Variants in RBFOX3 observed in about 807,000 individuals in gnomAD.
RBFOX3 encodes the protein RNA binding protein fox-1 homolog 3.
In RBFOX3, 17 loss-of-function variants were observed where a neutral mutation model predicts 48.7. That is an observed-to-expected ratio of 0.35 (90% CI 0.24 to 0.52). The LOEUF (loss-of-function observed/expected upper bound fraction) is 0.52. Ranked by LOEUF, RBFOX3 falls within the 20% of genes least tolerant of loss-of-function variation. The probability of loss-of-function intolerance (pLI) is 0.94; values close to 1 mark genes in which losing one functional copy is unlikely to be tolerated. For synonymous variants in RBFOX3, 212 were observed against 209.5 expected (o/e 1.01, Z -0.10); for missense variants, 382 against 497.5 (o/e 0.77, Z 2.21).
At chr17:79,661,750 C>G in the RBFOX3 span, among the ~76,000 whole-genome samples, 1 of 152,198 alleles carries the variant, frequency 6.6e-6, no homozygotes, top group Non-Finnish European at 1.5e-5. Flanking sequence ...TTCTATATTT[C>G]TAGCAACCCT....
chr17:79,146,058 T>C (rs1466190506), intron 4 of RBFOX3, among the ~76,000 whole-genome samples: 4 of 152,122 alleles, frequency 2.6e-5, no homozygotes, highest in African/African-American at 9.7e-5. Context: ...CCTTTGAGAA[T>C]CTAATGCCGC....
intron 4 of RBFOX3, among the ~76,000 whole-genome samples, chr17:79,227,023 C>T (rs2060388111): frequency 6.6e-6 from 1 of 152,222 alleles, no homozygotes; most frequent in Non-Finnish European, 1.5e-5. Flanking sequence ...CAGCAGAAGG[C>T]TGCGGTGCCT....
intron 3 of RBFOX3, among the ~76,000 whole-genome samples, chr17:79,292,025 A>G (rs541392279): frequency 8.5e-5 from 13 of 152,176 alleles, no homozygotes; most frequent in African/African-American, 3.1e-4. Flanking sequence ...GGACCCCCAA[A>G]GCCAGCCACG....
chr17:79,384,252 TG>T (rs2060293338), intron 2 of RBFOX3, among the ~76,000 whole-genome samples: 1 of 152,110 alleles, frequency 6.6e-6, no homozygotes, highest in South Asian at 2.1e-4. Context: ...AGGAAGGTAA[TG>T]AATCTCCCAG....
chr17:79,289,748 T>C (rs1213784982), intron 3 of RBFOX3, among the ~76,000 whole-genome samples: 1 of 152,240 alleles, frequency 6.6e-6, no homozygotes, highest in Non-Finnish European at 1.5e-5. Context: ...GTGGCGTATT[T>C]TATCTTTATG....
chr17:79,464,930 A>G (rs1449487263), intron 2 of RBFOX3, among the ~76,000 whole-genome samples: 1 of 152,238 alleles, frequency 6.6e-6, no homozygotes, highest in Non-Finnish European at 1.5e-5. Flanking sequence ...TGACAGGTGA[A>G]GAGGGTGAGG....
intron 1 of RBFOX3, among the ~76,000 whole-genome samples, chr17:79,485,217 C>G (rs62062838): frequency 0.45 from 68,899 of 151,914 alleles, 16,663 homozygotes; most frequent in South Asian, 0.58. Flanking sequence ...GGATGGAGCC[C>G]TCCTTCCCAG....
intron 1 of RBFOX3, among the ~76,000 whole-genome samples, chr17:79,500,104 G>A (rs1017832799): frequency 3.9e-5 from 6 of 152,142 alleles, no homozygotes; most frequent in African/African-American, 1.4e-4. Flanking sequence ...CCCAGGACGG[G>A]GATGAAAGAT....
intron 4 of RBFOX3, among the ~76,000 whole-genome samples, chr17:79,230,294 T>C (rs773298089): frequency 6.6e-5 from 10 of 152,046 alleles, no homozygotes; most frequent in Admixed American, 3.9e-4. Flanking sequence ...GAGTCTTGCT[T>C]TGTCACCCAG....
chr17:79,098,079 G>C, intron 9 of RBFOX3: 1 of 317,084 alleles, frequency 3.2e-6, no homozygotes, highest in Non-Finnish European at 6.0e-6. Flanking sequence ...GAGAGGGAAA[G>C]TGGAACTTGT....
At chr17:79,144,035 C>T (rs1019005641) in intron 4 of RBFOX3, among the ~76,000 whole-genome samples, 3 of 152,230 alleles carry the variant, frequency 2.0e-5, no homozygotes, top group Admixed American at 6.5e-5. Context: ...CAGCTCTGCC[C>T]GTGACACCCT....
In RBFOX3 at chr17:79,481,554, G is replaced by A. The variant is rs1022325932; in HGVS notation, c.-175+900C>T. Among the ~76,000 whole-genome samples the A allele has an allele frequency of 6.8e-4, 104 of 152,178 alleles. 1 individual carries two copies. In the East Asian group the frequency reaches 0.016, roughly 23 times the overall value. On this transcript the variant is annotated intron_variant, in intron 2 of 14. Coordinates refer to ENST00000693108, the MANE Select transcript of RBFOX3 (RefSeq NM_001350451.2). This position sits in a 1 kb window ranked among gnomAD's most constrained non-coding sequence, Gnocchi z 5.4. ...GGAAGCTTCAAGTGTGAGGCTGGCC[G>A]TGCACGTGATTAGAGGGTTGGAAAT...
intron 4 of RBFOX3, among the ~76,000 whole-genome samples, chr17:79,150,268 G>T (rs2044127794): frequency 6.6e-6 from 1 of 151,956 alleles, no homozygotes; most frequent in South Asian, 2.1e-4. Flanking sequence ...CTCGTGGGGG[G>T]TCCTGGCTGG....
At chr17:79,475,528 C>A (rs2077606893) in intron 2 of RBFOX3, among the ~76,000 whole-genome samples, 1 of 152,140 alleles carries the variant, frequency 6.6e-6, no homozygotes, top group Non-Finnish European at 1.5e-5. Context: ...CAGCCCTAAC[C>A]CCCAGGACCT....
intron 1 of RBFOX3, among the ~76,000 whole-genome samples, chr17:79,570,174 A>G (rs1360150417): frequency 3.3e-5 from 5 of 149,596 alleles, no homozygotes; most frequent in Non-Finnish European, 5.9e-5. Context: ...TGGATGGTAG[A>G]TGGATAGGTG....
Position 79,480,764 on chromosome 17 carries a change from GCCCTTCTGTCCTGGGCAACTGCAGCCCC to G in RBFOX3, c.-175+1662_-175+1689del, listed in dbSNP as rs1309465305. On this transcript the variant is annotated intron_variant, in intron 2 of 14. Transcript: ENST00000693108. This position sits in a 1 kb window ranked among gnomAD's most constrained non-coding sequence, Gnocchi z 4.8. ...GCTCACAACATCAGCACCGGGGCCT[GCCCTTCTGTCCTGGGCAACTGCAGCCCC>G]CACCATTCCCCGTGGTCTTAATGCA... 6.6e-6 allele frequency among the ~76,000 whole-genome samples: 1 copy of G among 152,172 alleles called. No homozygotes were observed.
chr17:79,129,403 T>A (rs2038208683), intron 4 of RBFOX3, among the ~76,000 whole-genome samples: 3 of 144,668 alleles, frequency 2.1e-5, no homozygotes, highest in African/African-American at 5.0e-5. Flanking sequence ...TGCTTTCCAA[T>A]CCGGAGTAAG....
Position 79,103,039 on chromosome 17 carries a change from C to T in RBFOX3, c.507+123G>A. ...GCCTTAGTGCGACCCTTCCTCCCACCCCAGGGAACCCTGGCCAGGCTCTCT... is the reference window on the plus strand; with the variant it reads ...GCCTTAGTGCGACCCTTCCTCCCACTCCAGGGAACCCTGGCCAGGCTCTCT... On this transcript the variant is annotated intron_variant, in intron 8 of 14. Transcript: ENST00000693108. This position sits in a 1 kb window ranked among gnomAD's most constrained non-coding sequence, Gnocchi z 6.1. The T allele has an allele frequency of 1.4e-6, 1 of 737,336 alleles. No homozygotes were observed. Among genetic ancestry groups the T allele is most frequent in the South Asian group, 1.7e-5 (1 of 59,144 alleles). 45.7% of individuals were successfully genotyped at this position (737,336 alleles called of 1,614,324 possible). A position where few individuals can be genotyped will look rare whatever the true frequency, so the allele number is the denominator to read the frequency against.
At chr17:79,267,053 G>C (rs574998885) in intron 3 of RBFOX3, among the ~76,000 whole-genome samples, 1 of 152,328 alleles carries the variant, frequency 6.6e-6, no homozygotes, top group South Asian at 2.1e-4. Flanking sequence ...CCTGAAACTA[G>C]GAGCTGGCTT....
Sources: gnomAD v4.1 joint callset for allele counts (sites outside exome capture counted in the v4.1 genomes callset) on GRCh38, gnomAD v4.1.1 for gene constraint, Gnocchi (gnomAD v3.1) non-coding constraint, MANE v1.5 for transcripts, NCBI Gene and HGNC (gene_info 2026-07-23, HGNC 2026-07-21) for gene names.